Variants in AHI1 observed in about 807,000 individuals in gnomAD.
AHI1 encodes the protein jouberin.
AHI1 carries 123 observed loss-of-function variants against 149.3 expected under a neutral mutation model. The observed-to-expected ratio is 0.82, with a 90% CI of 0.71 to 0.96. The LOEUF is 0.96. Among genes scored for constraint, AHI1 ranks in the 40% least tolerant of loss-of-function variants. The probability of loss-of-function intolerance (pLI) is 0.00; values close to 1 mark genes in which losing one functional copy is unlikely to be tolerated. For missense variants in AHI1, 1,439 were observed against 1,422.7 expected (o/e 1.01, Z -0.18); for synonymous variants, 475 against 459.8 (o/e 1.03, Z -0.42).
intron 16 of AHI1, 142 bp from the exon 17 acceptor site, chr6:135,431,456 C>T (rs1784649277): frequency 6.5e-6 from 3 of 463,840 alleles, no homozygotes; most frequent in Non-Finnish European, 1.1e-5. Flanking sequence ...TTAAAAAAGC[C>T]AAAAATCAAA....
chr6:135,394,632 G>A (rs1411042947), intron 23 of AHI1, 144 bp downstream of exon 23: 1 of 1,181,702 alleles, frequency 8.5e-7, no homozygotes, highest in Admixed American at 2.2e-5. Flanking sequence ...GTGATTTTAA[G>A]GACAAAAGAG....
At chr6:135,362,294 C>T (rs928154082) in intron 23 of AHI1, among the ~76,000 whole-genome samples, 2 of 151,712 alleles carry the variant, frequency 1.3e-5, no homozygotes, top group African/African-American at 2.4e-5. Context: ...CTTTTTTTTC[C>T]CTCTGGGTAG....
intron 20 of AHI1, among the ~76,000 whole-genome samples, chr6:135,417,341 T>A (rs995437620): frequency 6.6e-6 from 1 of 152,178 alleles, no homozygotes; most frequent in African/African-American, 2.4e-5. Flanking sequence ...CGAACATGCA[T>A]AGAAATGGCC....
Position 135,431,277 on chromosome 6 carries a change from A to G in AHI1, c.2304T>C (p.Ile768=), listed in dbSNP as rs1784618671. ...TCTTGACATAGGTATTCCAAACAAC[A>G]ATCACCCCTGTACAATCTCCTGAAT... The part of the protein sequence containing the change: ...HMYSGDCTGV[I]VVWNTYVKIN... The change falls in exon 17 of 29, where the codon ATT becomes ATC. Residue 768 remains isoleucine (I), a synonymous_variant. Coordinates refer to ENST00000265602, the MANE Select transcript of AHI1 (RefSeq NM_001134831.2). 6.2e-7 allele frequency: 1 copy of G among 1,608,930 alleles called. No homozygotes were observed.
At chr6:135,472,018 CAAAAAAAAAAA>C (rs541390652) in intron 5 of AHI1, among the ~76,000 whole-genome samples, 255 of 54,450 alleles carry the variant, frequency 4.7e-3, no homozygotes, top group Admixed American at 6.7e-3. Flanking sequence ...GACTCCGTCT[CAAAAAAAAAAA>C]AAAAAAAAAA....
chr6:135,302,227 T>A, intron 26 of AHI1: 1 of 985,358 alleles, frequency 1.0e-6, no homozygotes, highest in Non-Finnish European at 1.2e-6. Context: ...ACCATCAATA[T>A]AGGTATATAT....
intron 23 of AHI1, among the ~76,000 whole-genome samples, chr6:135,393,042 T>C (rs1778734680): frequency 6.6e-6 from 1 of 152,182 alleles, no homozygotes. Context: ...ACCAAATGGC[T>C]TAATGGTCAT....
intron 3 of AHI1, among the ~76,000 whole-genome samples, chr6:135,494,488 T>C (rs775557790): frequency 7.2e-5 from 11 of 152,328 alleles, no homozygotes; most frequent in Non-Finnish European, 1.6e-4. Flanking sequence ...TCTATGGATA[T>C]CAACTTCCTA....
chr6:135,355,952 G>A (rs1431612512), intron 24 of AHI1, among the ~76,000 whole-genome samples: 1 of 152,118 alleles, frequency 6.6e-6, no homozygotes, highest in Non-Finnish European at 1.5e-5. Flanking sequence ...AAAGAGGTCT[G>A]ATAAATTCTC....
At chr6:135,294,567 A>C (rs1782816547) in intron 27 of AHI1, among the ~76,000 whole-genome samples, 1 of 151,972 alleles carries the variant, frequency 6.6e-6, no homozygotes, top group African/African-American at 2.4e-5. Flanking sequence ...AGAAATAGAA[A>C]AATAATAGAT....
intron 8 of AHI1, among the ~76,000 whole-genome samples, chr6:135,459,895 T>G (rs1789600392): frequency 1.3e-5 from 2 of 152,190 alleles, no homozygotes; most frequent in East Asian, 3.9e-4. Context: ...ATCCAAACAA[T>G]GTAAGAATAA....
At chr6:135,479,431 T>A (rs1793245227) in intron 5 of AHI1, among the ~76,000 whole-genome samples, 1 of 152,262 alleles carries the variant, frequency 6.6e-6, no homozygotes, top group Non-Finnish European at 1.5e-5. Context: ...TCAAAGGAGA[T>A]TATTTTGGAG....
At chr6:135,324,366 T>TA (rs1787323825) in intron 24 of AHI1, among the ~76,000 whole-genome samples, 1 of 151,420 alleles carries the variant, frequency 6.6e-6, no homozygotes, top group Non-Finnish European at 1.5e-5. Flanking sequence ...TTATAGTAGT[T>TA]AAAGGCAGGA....
At chr6:135,289,600 C>T (rs1782091574) in intron 28 of AHI1, among the ~76,000 whole-genome samples, 1 of 151,848 alleles carries the variant, frequency 6.6e-6, no homozygotes, top group African/African-American at 2.4e-5. Flanking sequence ...TCTTTTTGAC[C>T]TGCATAATTT....
chr6:135,383,262 C>T (rs1200768852), intron 23 of AHI1, among the ~76,000 whole-genome samples: 2 of 84,372 alleles, frequency 2.4e-5, no homozygotes, highest in Non-Finnish European at 4.0e-5. Context: ...CAGGGTCTTG[C>T]TCTGTCACCC....
At chr6:135,363,919 T>G (rs1407940523) in intron 23 of AHI1, among the ~76,000 whole-genome samples, 3,441 of 62,604 alleles carry the variant, frequency 0.055, no homozygotes, top group East Asian at 0.15. Context: ...CCCTCCCGGA[T>G]GGGGCGGCTG....
chr6:135,489,000 G>A (rs1296847772), intron 5 of AHI1, among the ~76,000 whole-genome samples: 3 of 152,048 alleles, frequency 2.0e-5, no homozygotes, highest in East Asian at 1.9e-4. Context: ...TGTATTAAAC[G>A]ACTAAATATA....
intron 23 of AHI1, among the ~76,000 whole-genome samples, chr6:135,375,544 A>G (rs1270349456): frequency 6.6e-6 from 1 of 152,214 alleles, no homozygotes; most frequent in Non-Finnish European, 1.5e-5. Context: ...TTTGAAAAAT[A>G]AATTGAATCC....
rs115131766 is a variant in AHI1 at position 135,366,283 on chromosome 6, C to T, written c.3110-8096G>A. 3.7e-3 allele frequency among the ~76,000 whole-genome samples: 559 copies of T among 151,752 alleles called. 5 individuals are homozygous for T. The highest frequency in any genetic ancestry group is 0.012 in the African/African-American group (503 of 41,322). ...ACGTCCTTTCCTGGCTTTGGTATTACGGTGATACGGGATTCATAGAATGAT... is the reference window on the plus strand; with the variant it reads ...ACGTCCTTTCCTGGCTTTGGTATTATGGTGATACGGGATTCATAGAATGAT... On this transcript the variant is annotated intron_variant, in intron 23 of 28. Coordinates refer to ENST00000265602, the MANE Select transcript of AHI1 (RefSeq NM_001134831.2).
Sources: gnomAD v4.1 joint callset for allele counts (sites outside exome capture counted in the v4.1 genomes callset) on GRCh38, gnomAD v4.1.1 for gene constraint, MANE v1.5 for transcripts, NCBI Gene and HGNC (gene_info 2026-07-23, HGNC 2026-07-21) for gene names.